SPANXN1: variants seen among roughly 807,000 people sequenced by gnomAD.
The protein encoded by SPANXN1 is sperm protein associated with the nucleus on the X chromosome N1.
A neutral mutation model predicts 2.0 loss-of-function variants in SPANXN1; 1 was observed. That is an observed-to-expected ratio of 0.50 (90% CI 0.18 to 2.36). The LOEUF (loss-of-function observed/expected upper bound fraction) is 2.36, where lower values mean the gene tolerates loss of function less well. Among genes scored for constraint, SPANXN1 ranks in the 30% most tolerant of loss-of-function variants. SPANXN1 has a pLI of 0.26. For synonymous variants in SPANXN1, 27 were observed against 21.3 expected (o/e 1.27, Z -0.74); for missense variants, 55 against 51.8 (o/e 1.06, Z -0.19).
intron 1 of SPANXN1, among the ~76,000 whole-genome samples, chrX:145,254,568 A>C (rs2070800346): frequency 8.9e-6 from 1 of 112,535 alleles, no homozygotes; most frequent in African/African-American, 3.2e-5. Flanking sequence ...CATGCTCCCC[A>C]GAGGCCGGAG....
intron 1 of SPANXN1, among the ~76,000 whole-genome samples, chrX:145,254,998 C>G (rs1239249252): frequency 2.8e-5 from 3 of 106,862 alleles, no homozygotes; most frequent in African/African-American, 1.1e-4. Context: ...CCATTAGAAC[C>G]CAATCACCAA....
intron 1 of SPANXN1, among the ~76,000 whole-genome samples, chrX:145,248,007 C>T (rs1168542050): frequency 8.9e-5 from 10 of 112,087 alleles, no homozygotes; most frequent in African/African-American, 1.9e-4. Flanking sequence ...TCTTGTGTTA[C>T]GATGATTAGG....
At chrX:145,252,684 A>G (rs61613801) in intron 1 of SPANXN1, among the ~76,000 whole-genome samples, 1 of 109,805 alleles carries the variant, frequency 9.1e-6, no homozygotes, top group Non-Finnish European at 1.9e-5. Context: ...GAGGATGAGT[A>G]GGGGGAGAGG....
chrX:145,254,081 T>C (rs1394390675), intron 1 of SPANXN1, among the ~76,000 whole-genome samples: 1 of 97,766 alleles, frequency 1.0e-5, no homozygotes, highest in Non-Finnish European at 2.0e-5. Flanking sequence ...AGTAAGGGGG[T>C]GGAGGAGCCG....
rs144855072 is a variant in SPANXN1 at position 145,255,642 on chromosome X, T to C, written c.76-29T>C. ...TATCCTATTCACCCAAAATAATGTC[T>C]TTCTGGCCTCTCCCTGTTTTCTTAA... On this transcript the variant is annotated intron_variant, in intron 1 of 1. Coordinates refer to ENST00000370493, the MANE Select transcript of SPANXN1 (RefSeq NM_001009614.3). The C allele has an allele frequency of 4.0e-3, 4,829 of 1,208,898 alleles. 148 individuals are homozygous for C. In the African/African-American group the frequency reaches 0.074, roughly 19 times the overall value.
intron 1 of SPANXN1, among the ~76,000 whole-genome samples, chrX:145,250,929 T>A (rs2070783234): frequency 8.9e-6 from 1 of 111,914 alleles, no homozygotes; most frequent in Non-Finnish European, 1.9e-5. Flanking sequence ...GATGAAGGCA[T>A]GAGACTGTAG....
chrX:145,253,803 C>T (rs189492209), intron 1 of SPANXN1, among the ~76,000 whole-genome samples: 1,212 of 110,893 alleles, frequency 0.011, 21 homozygotes, highest in African/African-American at 0.038. Flanking sequence ...ATGACATATA[C>T]GTCATGCCAG....
At chrX:145,253,037 G>A (rs1556882658) in intron 1 of SPANXN1, among the ~76,000 whole-genome samples, 1 of 111,414 alleles carries the variant, frequency 9.0e-6, no homozygotes, top group Non-Finnish European at 1.9e-5. Flanking sequence ...CTTCCGAGGT[G>A]GTGATGGCAG....
chrX:145,251,938 G>C (rs2070787612), intron 1 of SPANXN1, among the ~76,000 whole-genome samples: 1 of 111,412 alleles, frequency 9.0e-6, no homozygotes, highest in South Asian at 3.8e-4. Context: ...TCGAGAATTA[G>C]GGGTTAGGAC....
At chrX:145,248,307 G>C (rs1217528704) in intron 1 of SPANXN1, among the ~76,000 whole-genome samples, 5 of 111,451 alleles carry the variant, frequency 4.5e-5, no homozygotes, top group African/African-American at 1.3e-4. Context: ...GTTGCTGGGT[G>C]GCTGCCTGGA....
Position 145,247,532 on chromosome X carries a change from G to A in SPANXN1, c.-55G>A. ...TCCTGGGAAGCTTCAATACAGCTGTGCAAGTCTGGAGTCTACAAGAGCCTA... is the reference window on the plus strand; with the variant it reads ...TCCTGGGAAGCTTCAATACAGCTGTACAAGTCTGGAGTCTACAAGAGCCTA... On this transcript the variant is annotated 5_prime_UTR_variant, in exon 1 of 2. Transcript: ENST00000370493. 2 of 1,130,707 alleles carry A rather than the reference G, an allele frequency of 1.8e-6. No homozygotes were observed. Among genetic ancestry groups the A allele is most frequent in the Non-Finnish European group, 2.4e-6 (2 of 822,961 alleles). 93.2% of individuals were successfully genotyped at this position (1,130,707 alleles called of 1,213,427 possible). A position where few individuals can be genotyped will look rare whatever the true frequency, so the allele number is the denominator to read the frequency against.
chrX:145,247,705 G>C (rs1556881990), intron 1 of SPANXN1, 44 bp downstream of exon 1: 2 of 1,151,016 alleles, frequency 1.7e-6, no homozygotes, highest in African/African-American at 3.6e-5. Context: ...GTGAAAGAAA[G>C]ACACACAGAG....
chrX:145,249,511 G>C lies in SPANXN1; in HGVS notation c.75+1850G>C, dbSNP rs191526233. Among the ~76,000 whole-genome samples the C allele has an allele frequency of 7.2e-5, 8 of 111,552 alleles. No individual in the cohort carries two copies. The East Asian group carries it at 2.0e-3, about 28-fold the overall frequency. The stretch of plus-strand genomic sequence containing the variant: ...AAAGATTGGAAATTGGCGACGGAGA[G>C]TGTTATGGGCTAGGGTGTTCTGGAT... On this transcript the variant is annotated intron_variant, in intron 1 of 1. Transcript: ENST00000370493.
chrX:145,255,742 A>G lies in SPANXN1; in HGVS notation c.147A>G (p.Ser49=). 1 of 1,212,239 alleles carries G rather than the reference A, an allele frequency of 8.2e-7. No individual in the cohort carries two copies. The highest frequency in any genetic ancestry group is 1.1e-6 in the Non-Finnish European group (1 of 895,616). ...SLKKMKTSEY[S]TVLAFCYRKA... is the part of the protein sequence containing the mutation. ...AAAAGATGAAAACGTCAGAATATTC[A>G]ACAGTATTAGCGTTTTGCTACAGGA... The change falls in exon 2 of 2, where the codon TCA becomes TCG. Residue 49 remains serine (S), a synonymous_variant. Coordinates refer to ENST00000370493, the MANE Select transcript of SPANXN1 (RefSeq NM_001009614.3).
At chrX:145,247,960 T>A (rs2070768984) in intron 1 of SPANXN1, among the ~76,000 whole-genome samples, 1 of 112,339 alleles carries the variant, frequency 8.9e-6, no homozygotes, top group South Asian at 3.7e-4. Context: ...CCCAGCAAGA[T>A]ACCATAGGAA....
chrX:145,248,606 C>T (rs1485334010), intron 1 of SPANXN1, among the ~76,000 whole-genome samples: 4 of 111,779 alleles, frequency 3.6e-5, no homozygotes, highest in African/African-American at 6.5e-5. Flanking sequence ...TAGATTATGG[C>T]GGTTAACGAA....
intron 1 of SPANXN1, among the ~76,000 whole-genome samples, chrX:145,249,405 G>A (rs1374398604): frequency 6.6e-4 from 73 of 110,987 alleles, no homozygotes; most frequent in African/African-American, 2.3e-3. Flanking sequence ...TACCTCCTGC[G>A]TTAGTGTGAG....
intron 1 of SPANXN1, among the ~76,000 whole-genome samples, chrX:145,249,862 T>A (rs1478635748): frequency 1.8e-5 from 2 of 110,784 alleles, no homozygotes; most frequent in African/African-American, 3.3e-5. Context: ...TCTTATTAGA[T>A]GTTGGGTGAG....
intron 1 of SPANXN1, among the ~76,000 whole-genome samples, chrX:145,253,591 A>T (rs1241637350): frequency 1.8e-5 from 2 of 111,400 alleles, no homozygotes; most frequent in African/African-American, 6.5e-5. Flanking sequence ...TATATATGCC[A>T]GCTAGAAGGC....
Sources: allele counts gnomAD v4.1 joint callset (sites outside exome capture counted in the v4.1 genomes callset), GRCh38; gene constraint gnomAD v4.1.1; transcripts MANE v1.5; gene names NCBI Gene and HGNC (gene_info 2026-07-23, HGNC 2026-07-21).